Variants in NEK4 observed in about 807,000 individuals in gnomAD.
NEK4 encodes serine/threonine-protein kinase Nek4.
In NEK4, 86 loss-of-function variants were observed where a neutral mutation model predicts 98.4. The ratio of observed to expected loss-of-function variants is 0.87; its 90% CI spans 0.73 to 1.05. The LOEUF is 1.05. Among genes scored for constraint, NEK4 ranks in the 50% least tolerant of loss-of-function variants. The pLI, the probability that NEK4 is intolerant of heterozygous loss-of-function variation, is 0.00. For synonymous variants in NEK4, 328 were observed against 342.2 expected (o/e 0.96, Z 0.46); for missense variants, 898 against 950.3 (o/e 0.94, Z 0.72).
intron 6 of NEK4, among the ~76,000 whole-genome samples, chr3:52,759,513 CA>C (rs1698272344): frequency 1.3e-5 from 2 of 152,110 alleles, no homozygotes; most frequent in Admixed American, 6.6e-5. Flanking sequence ...AAATACAAAT[CA>C]AAAATACAAT....
chr3:52,741,386 G>A lies in NEK4; in HGVS notation c.2093+25C>T, dbSNP rs779327636. On this transcript the variant is annotated intron_variant, in intron 13 of 15. Transcript: ENST00000233027. ...CATTAAAACAGAAATAGTTTATAAA[G>A]GGAGACAGAAAAACAAGAACTTACC... 3.0e-6 allele frequency: 4 copies of A among 1,336,790 alleles called. No homozygotes were observed. The African/African-American group carries it at 4.3e-5, about 14-fold the overall frequency. 82.8% of individuals were successfully genotyped at this position (1,336,790 alleles called of 1,614,324 possible). A position where few individuals can be genotyped will look rare whatever the true frequency, so the allele number is the denominator to read the frequency against.
At chr3:52,756,172 C>T (rs1323965210) in intron 6 of NEK4, among the ~76,000 whole-genome samples, 3 of 152,096 alleles carry the variant, frequency 2.0e-5, no homozygotes, top group African/African-American at 4.8e-5. Flanking sequence ...ATTAATATTA[C>T]CCAGAGCAAT....
At chr3:52,761,355 T>C (rs1383678602) in intron 5 of NEK4, among the ~76,000 whole-genome samples, 1 of 152,202 alleles carries the variant, frequency 6.6e-6, no homozygotes, top group Non-Finnish European at 1.5e-5. Context: ...CTCAGCTCAC[T>C]GCAACCTCCG....
At chr3:52,766,111 T>G in intron 3 of NEK4, 67 bp downstream of exon 3, 1 of 1,496,380 alleles carries the variant, frequency 6.7e-7, no homozygotes, top group Non-Finnish European at 9.2e-7. Flanking sequence ...TCTGACTTAA[T>G]TAACTTCTGA....
At chr3:52,715,640 C>T (rs1243447254) in intron 15 of NEK4, among the ~76,000 whole-genome samples, 3 of 152,158 alleles carry the variant, frequency 2.0e-5, no homozygotes, top group Non-Finnish European at 2.9e-5. Flanking sequence ...CCACCCACCT[C>T]GGCCTCCCAA....
At chr3:52,758,635 C>T (rs1246043493) in intron 6 of NEK4, among the ~76,000 whole-genome samples, 11 of 149,660 alleles carry the variant, frequency 7.3e-5, no homozygotes. Context: ...AGTGAAAAAA[C>T]AAAAGAAATT....
At chr3:52,731,062 A>T (rs941875889) in intron 15 of NEK4, among the ~76,000 whole-genome samples, 3 of 152,206 alleles carry the variant, frequency 2.0e-5, no homozygotes, top group Non-Finnish European at 4.4e-5. Flanking sequence ...ATTACAATTT[A>T]AAAAAATGTA....
chr3:52,728,166 G>T (rs190315777), intron 15 of NEK4, among the ~76,000 whole-genome samples: 291 of 152,252 alleles, frequency 1.9e-3, no homozygotes, highest in Admixed American at 2.8e-3. Flanking sequence ...TGAGCCCAAG[G>T]GTTCAAGACC....
intron 1 of NEK4, among the ~76,000 whole-genome samples, chr3:52,769,515 A>G (rs1422197887): frequency 6.6e-6 from 1 of 152,260 alleles, no homozygotes; most frequent in Admixed American, 6.5e-5. Flanking sequence ...TGTGAAGTGT[A>G]AACTAAAGCT....
intron 6 of NEK4, among the ~76,000 whole-genome samples, chr3:52,752,933 T>TACACAC (rs71087017): frequency 1.3e-5 from 1 of 75,572 alleles, no homozygotes; most frequent in African/African-American, 5.4e-5. Flanking sequence ...TATATATATA[T>TACACAC]ACACACACAC....
At position 52,710,571 on chromosome 3, in the gene NEK4, G is replaced by C. The variant is rs2097349421; in HGVS notation, c.*1206C>G. 1 of 152,092 alleles carries C rather than the reference G, an allele frequency of 6.6e-6. No homozygotes were observed. The highest frequency in any genetic ancestry group is 2.4e-5 in the African/African-American group (1 of 41,404). The allele number at this position is 152,092 out of a possible 1,614,324, so 9.4% of individuals were successfully genotyped here. A position where few individuals can be genotyped will look rare whatever the true frequency, so the allele number is the denominator to read the frequency against. ...AGCCCAGGAGTTCTGAGATCAGCCT[G>C]GGCAATGTGGTGTAACCCTGTCTCT... On this transcript the variant is annotated 3_prime_UTR_variant, in exon 16 of 16. Transcript: ENST00000233027.
Position 52,757,676 on chromosome 3 carries a change from C to T in NEK4, c.963+3119G>A, listed in dbSNP as rs140158216. ...TGGAAACAACACAAATGTACATCTG[C>T]AGATGAACCAGATAAACAAAACGTG... On this transcript the variant is annotated intron_variant, in intron 6 of 15. Transcript: ENST00000233027. 1.9e-3 allele frequency among the ~76,000 whole-genome samples: 284 copies of T among 152,216 alleles called. 1 individual carries two copies. Among genetic ancestry groups the T allele is most frequent in the Non-Finnish European group, 4.4e-4 (30 of 68,018 alleles).
intron 6 of NEK4, among the ~76,000 whole-genome samples, chr3:52,759,955 A>G (rs765050505): frequency 7.3e-6 from 1 of 136,344 alleles, no homozygotes; most frequent in Non-Finnish European, 1.7e-5. Context: ...TATGTGGAAG[A>G]CACCAGAAAC....
chr3:52,757,968 G>T (rs559593637), intron 6 of NEK4, among the ~76,000 whole-genome samples: 4 of 152,062 alleles, frequency 2.6e-5, no homozygotes, highest in South Asian at 2.1e-4. Context: ...CTGAGGTCAG[G>T]AGTTCAAGAC....
chr3:52,759,396 G>C (rs1454735604), intron 6 of NEK4, among the ~76,000 whole-genome samples: 1 of 120,996 alleles, frequency 8.3e-6, no homozygotes, highest in Non-Finnish European at 1.7e-5. Flanking sequence ...GCAAGACCCT[G>C]TATCAAAAAA....
chr3:52,755,052 C>T (rs1372831323), intron 6 of NEK4, among the ~76,000 whole-genome samples: 3 of 133,224 alleles, frequency 2.3e-5, no homozygotes, highest in African/African-American at 5.8e-5. Flanking sequence ...CCAGCCTGGG[C>T]GACAGAGCAA....
rs748856902 is a variant in NEK4 at position 52,746,199 on chromosome 3, C to T, written c.1689G>A (p.Ser563=). ...GATGAGAAGGCAAAAATCGAGGAGG[C>T]GACTCTTGGAACTTAAATAATTAAA... The part of the protein sequence containing the change: ...VRRDLFAFQE[S]PPRFLPSHPI... Residue 563 remains serine, a synonymous_variant, in exon 10 of 16, where the codon TCG becomes TCA. Transcript: ENST00000233027. The T allele has an allele frequency of 6.2e-6, 10 of 1,613,752 alleles. No homozygotes were observed. The South Asian group carries it at 9.9e-5, about 16-fold the overall frequency.
At chr3:52,718,488 A>G (rs1402208156) in intron 15 of NEK4, among the ~76,000 whole-genome samples, 2 of 151,946 alleles carry the variant, frequency 1.3e-5, no homozygotes, top group Non-Finnish European at 2.9e-5. Context: ...AAAAAAAAAA[A>G]AAAAGAAATA....
chr3:52,719,515 G>A (rs555092661), intron 15 of NEK4, among the ~76,000 whole-genome samples: 6 of 151,438 alleles, frequency 4.0e-5, no homozygotes, highest in East Asian at 3.9e-4. Context: ...CCTGGGAGGC[G>A]TAGGTTGTAG....
Sources: gnomAD v4.1 joint callset for allele counts (sites outside exome capture counted in the v4.1 genomes callset) on GRCh38, gnomAD v4.1.1 for gene constraint, MANE v1.5 for transcripts, NCBI Gene and HGNC (gene_info 2026-07-23, HGNC 2026-07-21) for gene names.